TRHDE: variants seen among roughly 807,000 people sequenced by gnomAD.
TRHDE encodes thyrotropin releasing hormone degrading enzyme.
Under a neutral mutation model 125.7 loss-of-function variants are expected in TRHDE, and 72 were observed. The ratio of observed to expected loss-of-function variants is 0.57; its 90% CI spans 0.47 to 0.70. The LOEUF (loss-of-function observed/expected upper bound fraction) is 0.70. Ranked by LOEUF, TRHDE falls within the 30% of genes least tolerant of loss-of-function variation. The pLI is 0.00. For synonymous variants in TRHDE, 509 were observed against 509.1 expected (o/e 1.00, Z 0.00); for missense variants, 1,110 against 1,327.1 (o/e 0.84, Z 2.54).
In TRHDE at chr12:72,272,775, C is replaced by T. The variant is rs1437449425; in HGVS notation, c.132C>T (p.Ala44=). 1.3e-6 allele frequency: 2 copies of T among 1,548,686 alleles called. No individual in the cohort carries two copies. The highest frequency in any genetic ancestry group is 1.4e-5 in the African/African-American group (1 of 73,368). ...AGAAGAGCAGCTCACCCTTCGCAGC[C>T]GCGATGGGGGAAGACGACGCCGCGC... ...GAEKSSSPFA[A]AMGEDDAALR... The change falls in exon 1 of 19, where the codon GCC becomes GCT. Residue 44 remains alanine, a synonymous_variant. Transcript: ENST00000261180. The surrounding 1 kb of genome is among the most constrained non-coding windows in gnomAD (Gnocchi z 6.7).
At chr12:72,158,127 A>G (rs958134029) in intron 2 of TRHDE, among the ~76,000 whole-genome samples, 3 of 152,190 alleles carry the variant, frequency 2.0e-5, no homozygotes, top group Non-Finnish European at 4.4e-5. Context: ...GGAGATGTCA[A>G]TGAAAGTCTG....
chr12:72,111,774 A>G (rs952157897), intron 2 of TRHDE, among the ~76,000 whole-genome samples: 4 of 152,140 alleles, frequency 2.6e-5, no homozygotes, highest in Non-Finnish European at 5.9e-5. Flanking sequence ...CTTCTTTCAG[A>G]TGAAATAATA....
intron 2 of TRHDE, among the ~76,000 whole-genome samples, chr12:72,237,927 T>C (rs1348335538): frequency 6.6e-6 from 1 of 151,668 alleles, no homozygotes; most frequent in Admixed American, 6.6e-5. Context: ...GAGGCAGGAG[T>C]GTGCCTGGCT....
rs72163048 is a variant in TRHDE at position 72,498,963 on chromosome 12, ATGTG to A, written c.1585-509_1585-506del. Among the ~76,000 whole-genome samples the A allele has an allele frequency of 2.4e-3, 360 of 147,142 alleles. 1 individual carries two copies. Among genetic ancestry groups the A allele is most frequent in the South Asian group, 4.4e-3 (20 of 4,568 alleles). On this transcript the variant is annotated intron_variant, in intron 5 of 18. Coordinates refer to ENST00000261180, the MANE Select transcript of TRHDE (RefSeq NM_013381.3). ...CTCTTGAAATTTTTTCAGAAAATAA[ATGTG>A]TGTGTGTGTGTGTGTGTGTGTGTGT...
intron 3 of TRHDE, among the ~76,000 whole-genome samples, chr12:72,393,181 T>A (rs1265367077): frequency 1.3e-5 from 2 of 152,202 alleles, no homozygotes; most frequent in Admixed American, 6.5e-5. Flanking sequence ...TTTGTCAGAA[T>A]TAACACTTAT....
chr12:72,602,551 G>A (rs966990839), intron 12 of TRHDE, among the ~76,000 whole-genome samples: 1 of 152,124 alleles, frequency 6.6e-6, no homozygotes, highest in Admixed American at 6.5e-5. Flanking sequence ...ACATGCAAAA[G>A]TACCATTTTT....
At chr12:72,279,210 G>T (rs115028510) in intron 1 of TRHDE, among the ~76,000 whole-genome samples, 2,647 of 152,220 alleles carry the variant, frequency 0.017, 71 homozygotes, top group African/African-American at 0.061. Context: ...GGTGACATTT[G>T]GTCAATATGA....
At chr12:72,127,654 G>A (rs1160728204) in intron 2 of TRHDE, among the ~76,000 whole-genome samples, 3 of 152,058 alleles carry the variant, frequency 2.0e-5, no homozygotes, top group Non-Finnish European at 4.4e-5. Context: ...CATAAAGATG[G>A]CAACAATAGA....
chr12:72,129,502 TAAGG>T (rs1875812361), intron 2 of TRHDE, among the ~76,000 whole-genome samples: 1 of 152,246 alleles, frequency 6.6e-6, no homozygotes, highest in Admixed American at 6.5e-5. Context: ...AGGGTTCCCC[TAAGG>T]ATGTATACTT....
At chr12:72,425,941 A>G (rs1300650929) in intron 3 of TRHDE, among the ~76,000 whole-genome samples, 4 of 149,936 alleles carry the variant, frequency 2.7e-5, no homozygotes, top group Non-Finnish European at 4.5e-5. Context: ...TATATATATA[A>G]TTACAAAAGG....
rs188797383 is a variant in TRHDE, at chr12:72,191,198, T to C, written n.279+85446T>C. On this transcript the variant is annotated intron_variant and non_coding_transcript_variant, in intron 2 of 4. Transcript: ENST00000548156. Reference sequence around the variant, plus strand: ...TTTATAGAATTCTTAGTGGGCTCTATTGAATACTGGTTAGTGGAGATCGTG... The same window carrying C: ...TTTATAGAATTCTTAGTGGGCTCTACTGAATACTGGTTAGTGGAGATCGTG... Among the ~76,000 whole-genome samples the C allele has an allele frequency of 2.6e-5, 4 of 152,348 alleles. No individual in the cohort carries two copies. The East Asian group carries it at 5.8e-4, about 22-fold the overall frequency.
intron 12 of TRHDE, among the ~76,000 whole-genome samples, chr12:72,603,036 A>T (rs571885239): frequency 6.6e-6 from 1 of 152,212 alleles, no homozygotes; most frequent in Non-Finnish European, 1.5e-5. Flanking sequence ...AAAAGCTTCA[A>T]ATATACCCAT....
intron 2 of TRHDE, among the ~76,000 whole-genome samples, chr12:72,134,790 G>A (rs1027197238): frequency 1.3e-5 from 2 of 152,130 alleles, no homozygotes; most frequent in Non-Finnish European, 2.9e-5. Flanking sequence ...GGGGCTGGGT[G>A]CAGAGGAGGA....
At chr12:72,395,604 A>G (rs567895290) in intron 3 of TRHDE, among the ~76,000 whole-genome samples, 4 of 152,106 alleles carry the variant, frequency 2.6e-5, no homozygotes, top group Non-Finnish European at 5.9e-5. Flanking sequence ...GTTAGATGAT[A>G]TAATATATCA....
chr12:72,322,955 AT>A (rs1869167002), intron 2 of TRHDE, among the ~76,000 whole-genome samples: 1 of 152,110 alleles, frequency 6.6e-6, no homozygotes. Context: ...TGGAGAAGCC[AT>A]TTAGCCATTT....
At chr12:72,645,573 A>C (rs1394821159) in intron 15 of TRHDE, among the ~76,000 whole-genome samples, 1 of 152,142 alleles carries the variant, frequency 6.6e-6, no homozygotes, top group African/African-American at 2.4e-5. Context: ...ATAATGGCTG[A>C]AAACTTCACA....
chr12:72,388,681 A>T (rs1167307320), intron 3 of TRHDE, among the ~76,000 whole-genome samples: 3 of 152,184 alleles, frequency 2.0e-5, no homozygotes, highest in Non-Finnish European at 4.4e-5. Context: ...GAAGAGATGA[A>T]GGATGACTTA....
chr12:72,392,264 T>C (rs929037682), intron 3 of TRHDE, among the ~76,000 whole-genome samples: 3 of 152,190 alleles, frequency 2.0e-5, no homozygotes, highest in Admixed American at 1.3e-4. Flanking sequence ...ATCATTTTGC[T>C]GAGATTTGTA....
At chr12:72,558,191 A>G (rs1261876472) in intron 7 of TRHDE, among the ~76,000 whole-genome samples, 1 of 152,180 alleles carries the variant, frequency 6.6e-6, no homozygotes, top group African/African-American at 2.4e-5. Flanking sequence ...ACAGGCACCT[A>G]TGACACAGTG....
Sources: gnomAD v4.1 joint callset for allele counts (sites outside exome capture counted in the v4.1 genomes callset) on GRCh38, gnomAD v4.1.1 for gene constraint, Gnocchi (gnomAD v3.1) non-coding constraint, MANE v1.5 for transcripts, NCBI Gene and HGNC (gene_info 2026-07-23, HGNC 2026-07-21) for gene names.